Variants in GABRR3 observed in about 807,000 individuals in gnomAD.
GABRR3 encodes gamma-aminobutyric acid receptor subunit rho-3.
Under a neutral mutation model 43.2 loss-of-function variants are expected in GABRR3, and 29 were observed. The observed-to-expected ratio is 0.67, with a 90% CI of 0.50 to 0.92. The LOEUF (loss-of-function observed/expected upper bound fraction) is 0.92, where lower values mean the gene tolerates loss of function less well. Among genes scored for constraint, GABRR3 ranks in the 40% least tolerant of loss-of-function variants. The probability of loss-of-function intolerance (pLI) is 0.00; values close to 1 mark genes in which losing one functional copy is unlikely to be tolerated. For synonymous variants in GABRR3, 206 were observed against 195.9 expected, an observed-to-expected ratio of 1.05 and a Z score of -0.43; for missense variants, 576 against 572.3, an observed-to-expected ratio of 1.01 and a Z score of -0.07.
intron 2 of GABRR3, among the ~76,000 whole-genome samples, chr3:98,033,313 C>T (rs1559783189): frequency 6.6e-6 from 1 of 152,140 alleles, no homozygotes; most frequent in Non-Finnish European, 1.5e-5. Flanking sequence ...CCCACATGGC[C>T]GAAATCCTGG....
chr3:98,001,604 G>A lies in GABRR3; in HGVS notation c.907+11C>T. On this transcript the variant is annotated intron_variant, in intron 8 of 9. Transcript: ENST00000621172. ...CATGTTAACATTTTATAAAGATGGG[G>A]AAAGATTTACCCAGGGAAACTCTTG... The A allele has an allele frequency of 6.2e-7, 1 of 1,612,280 alleles. No individual in the cohort carries two copies. Among genetic ancestry groups the A allele is most frequent in the African/African-American group, 1.3e-5 (1 of 74,902 alleles).
intron 7 of GABRR3, among the ~76,000 whole-genome samples, chr3:98,004,655 G>A: frequency 6.7e-6 from 1 of 150,362 alleles, no homozygotes. Flanking sequence ...TTGAACAGTG[G>A]CAACGGTAGT....
intron 2 of GABRR3, among the ~76,000 whole-genome samples, chr3:98,034,420 T>C (rs1480646519): frequency 6.6e-6 from 1 of 152,158 alleles, no homozygotes; most frequent in Non-Finnish European, 1.5e-5. Context: ...ATGGCTTTAA[T>C]GCCTTTTGAT....
chr3:98,023,142 G>A (rs1348047365), intron 3 of GABRR3, among the ~76,000 whole-genome samples: 1 of 152,100 alleles, frequency 6.6e-6, no homozygotes, highest in Admixed American at 6.6e-5. Flanking sequence ...GTGATTCTGC[G>A]GCTGGTCCAT....
At chr3:97,992,465 A>G (rs1443757057) in intron 9 of GABRR3, among the ~76,000 whole-genome samples, 2 of 152,118 alleles carry the variant, frequency 1.3e-5, no homozygotes, top group African/African-American at 4.8e-5. Context: ...CACTGACATA[A>G]TATGTTACAT....
At chr3:98,030,780 A>C (rs1188232858) in intron 2 of GABRR3, among the ~76,000 whole-genome samples, 3 of 152,184 alleles carry the variant, frequency 2.0e-5, no homozygotes, top group African/African-American at 7.2e-5. Context: ...ACCAGTGCAC[A>C]CTGAAACTCA....
intron 3 of GABRR3, among the ~76,000 whole-genome samples, chr3:98,018,060 A>G (rs1706894943): frequency 6.6e-6 from 1 of 151,620 alleles, no homozygotes; most frequent in South Asian, 2.1e-4. Context: ...TTTAAAAAGG[A>G]AAAGTGTTTT....
intron 3 of GABRR3, among the ~76,000 whole-genome samples, chr3:98,022,751 A>C (rs1706963693): frequency 1.3e-5 from 2 of 152,322 alleles, no homozygotes; most frequent in East Asian, 3.9e-4. Context: ...GATTGTCAGA[A>C]AAATTTCTTA....
intron 9 of GABRR3, among the ~76,000 whole-genome samples, chr3:97,990,501 A>C (rs1706451031): frequency 6.6e-6 from 1 of 151,898 alleles, no homozygotes; most frequent in African/African-American, 2.4e-5. Flanking sequence ...GGTTCCCACC[A>C]CACGCCCGGC....
rs541359885 is a variant in GABRR3, at chr3:97,990,629, G to A, written c.1104+2223C>T. 2.0e-5 allele frequency among the ~76,000 whole-genome samples: 3 copies of A among 152,292 alleles called. No individual in the cohort carries two copies. The East Asian group carries it at 5.8e-4, about 29-fold the overall frequency. On this transcript the variant is annotated intron_variant, in intron 9 of 9. Coordinates refer to ENST00000621172, the Ensembl canonical transcript of GABRR3. Reference sequence around the variant, plus strand: ...CCCAAAGTGCTGGGATTACAGGCATGAACCACTGTGCCTGGCCTACCATCA... The same window carrying A: ...CCCAAAGTGCTGGGATTACAGGCATAAACCACTGTGCCTGGCCTACCATCA...
At chr3:98,013,482 GCAATTGCTTACTTCTTACTATTTCA>G (rs1260718721) in intron 4 of GABRR3, among the ~76,000 whole-genome samples, 28 of 152,144 alleles carry the variant, frequency 1.8e-4, no homozygotes, top group Admixed American at 1.5e-3. Flanking sequence ...CTACTATTTT[GCAATTGCTTACTTCTTACTATTTCA>G]CAATTGCTTA....
chr3:98,011,682 G>C (rs527693754), intron 5 of GABRR3, among the ~76,000 whole-genome samples: 5 of 151,914 alleles, frequency 3.3e-5, no homozygotes, highest in African/African-American at 1.2e-4. Flanking sequence ...ATCTTTTGGG[G>C]TATCATTTCT....
chr3:97,996,576 A>G (rs1706561710), intron 8 of GABRR3, among the ~76,000 whole-genome samples: 1 of 152,180 alleles, frequency 6.6e-6, no homozygotes, highest in Admixed American at 6.5e-5. Context: ...TACTTAATTC[A>G]TTCTGTAGAG....
At chr3:98,005,059 T>A (rs1011630789) in intron 7 of GABRR3, among the ~76,000 whole-genome samples, 5 of 152,204 alleles carry the variant, frequency 3.3e-5, no homozygotes, top group African/African-American at 1.2e-4. Context: ...ATTTGATATT[T>A]GAATACAACT....
At chr3:98,026,560 C>T (rs1033380591) in intron 2 of GABRR3, among the ~76,000 whole-genome samples, 1 of 150,196 alleles carries the variant, frequency 6.7e-6, no homozygotes, top group Non-Finnish European at 1.5e-5. Context: ...CAGCCTTCAG[C>T]CGGAGACCTT....
chr3:98,028,438 C>T (rs942217829), intron 2 of GABRR3, among the ~76,000 whole-genome samples: 1 of 152,138 alleles, frequency 6.6e-6, no homozygotes, highest in Non-Finnish European at 1.5e-5. Flanking sequence ...TATAACCTGA[C>T]AAATTAATTA....
At chr3:98,032,779 C>T (rs992848848) in intron 2 of GABRR3, among the ~76,000 whole-genome samples, 1 of 152,134 alleles carries the variant, frequency 6.6e-6, no homozygotes, top group Admixed American at 6.6e-5. Flanking sequence ...TGGCCCCAAA[C>T]AATGCATATA....
intron 8 of GABRR3, among the ~76,000 whole-genome samples, chr3:97,994,147 A>G (rs546608212): frequency 1.3e-5 from 2 of 152,248 alleles, no homozygotes; most frequent in African/African-American, 4.8e-5. Flanking sequence ...CAACAGACAG[A>G]GTCTCAAACA....
At chr3:98,009,645 T>G (rs1029381100) in intron 5 of GABRR3, among the ~76,000 whole-genome samples, 1 of 152,172 alleles carries the variant, frequency 6.6e-6, no homozygotes, top group Admixed American at 6.5e-5. Context: ...TTTCCTGGCT[T>G]CAGGCAGAGG....
Sources: allele counts gnomAD v4.1 joint callset (sites outside exome capture counted in the v4.1 genomes callset), GRCh38; gene constraint gnomAD v4.1.1; transcripts MANE v1.5; gene names NCBI Gene and HGNC (gene_info 2026-07-23, HGNC 2026-07-21).